Variants in CHD9 observed in about 807,000 individuals in gnomAD.
CHD9 encodes ATP-dependent chromatin remodeler CHD9.
In CHD9, 77 loss-of-function variants were observed where a neutral mutation model predicts 316.1. That is an observed-to-expected ratio of 0.24 (90% CI 0.20 to 0.29). The LOEUF is 0.29. CHD9 is among the 10% of genes least tolerant of loss of function. The pLI is 1.00. For missense variants in CHD9, 2,763 were observed against 3,438.1 expected (o/e 0.80, Z 4.91); for synonymous variants, 1,129 against 1,158.3 (o/e 0.97, Z 0.51).
intron 31 of CHD9, among the ~76,000 whole-genome samples, chr16:53,304,950 T>TC (rs1296867008): frequency 6.6e-6 from 1 of 152,002 alleles, no homozygotes; most frequent in Non-Finnish European, 1.5e-5. Context: ...CGCCTCAGCC[T>TC]CCCAAAGTGC....
intron 2 of CHD9, among the ~76,000 whole-genome samples, chr16:53,203,500 A>G (rs1459210387): frequency 6.6e-6 from 1 of 152,146 alleles, no homozygotes; most frequent in African/African-American, 2.4e-5. Context: ...AGATAAACTC[A>G]TTCTTGCTCA....
intron 3 of CHD9, among the ~76,000 whole-genome samples, chr16:53,218,100 A>C (rs1348399690): frequency 1.3e-5 from 2 of 152,088 alleles, no homozygotes; most frequent in Non-Finnish European, 2.9e-5. Context: ...TTTTAAATAG[A>C]AAAGGCACGT....
At chr16:53,319,646 G>A (rs2153111640) in intron 37 of CHD9, among the ~76,000 whole-genome samples, 1 of 152,172 alleles carries the variant, frequency 6.6e-6, no homozygotes, top group South Asian at 2.1e-4. Context: ...TTATGAATGA[G>A]TTTGTCTTAG....
At chr16:53,255,535 G>A in intron 18 of CHD9, 65 bp from the exon 19 acceptor site, 1 of 1,439,444 alleles carries the variant, frequency 6.9e-7, no homozygotes, top group Admixed American at 2.0e-5. Context: ...ACATCCTTTA[G>A]GGATACTTTC....
At chr16:53,120,325 T>G (rs534216291) in intron 1 of CHD9, among the ~76,000 whole-genome samples, 1 of 152,172 alleles carries the variant, frequency 6.6e-6, no homozygotes, top group African/African-American at 2.4e-5. Context: ...TAAAACCAGT[T>G]GATTGGGGCC....
chr16:53,181,103 C>T (rs898392981), intron 2 of CHD9, among the ~76,000 whole-genome samples: 5 of 151,556 alleles, frequency 3.3e-5, no homozygotes, highest in Admixed American at 6.6e-5. Context: ...CTCTGCCTTC[C>T]GGGTTCAAGC....
intron 24 of CHD9, among the ~76,000 whole-genome samples, chr16:53,284,538 A>G (rs1417871403): frequency 1.3e-5 from 2 of 152,142 alleles, no homozygotes; most frequent in Non-Finnish European, 2.9e-5. Flanking sequence ...TAGACATGTT[A>G]TATATGTAAC....
At chr16:53,279,071 G>A (rs1171925488) in intron 24 of CHD9, among the ~76,000 whole-genome samples, 1 of 152,174 alleles carries the variant, frequency 6.6e-6, no homozygotes, top group Non-Finnish European at 1.5e-5. Context: ...TACGTATATT[G>A]CGGCACTATT....
In CHD9 at chr16:53,108,014, C is replaced by T. The variant is rs748474932; in HGVS notation, c.-164-47912C>T. On this transcript the variant is annotated intron_variant, in intron 1 of 38. Transcript: ENST00000447540. ...AGAAGGCATCATTGAGAAGGTAGCA[C>T]CTGAACCAAGTCTTGAAGGAGTGGA... is the stretch of plus-strand genomic sequence containing the variant. Among the ~76,000 whole-genome samples, 20 of 152,092 alleles carry T rather than the reference C, an allele frequency of 1.3e-4. 1 individual carries two copies. Among genetic ancestry groups the T allele is most frequent in the Admixed American group, 9.8e-4 (15 of 15,270 alleles).
intron 3 of CHD9, among the ~76,000 whole-genome samples, chr16:53,216,815 T>C (rs926374345): frequency 6.8e-6 from 1 of 146,032 alleles, no homozygotes; most frequent in Middle Eastern, 3.4e-3. Context: ...TTAGAGTCGT[T>C]TTTAGATCAG....
chr16:53,236,719 T>C (rs2048664365), intron 11 of CHD9, among the ~76,000 whole-genome samples: 1 of 150,616 alleles, frequency 6.6e-6, no homozygotes, highest in African/African-American at 2.4e-5. Context: ...CCTAATTTGC[T>C]CTCTGCTTCA....
chr16:53,255,537 G>T, intron 18 of CHD9, 63 bp from the exon 19 acceptor site: 2 of 1,453,438 alleles, frequency 1.4e-6, no homozygotes, highest in East Asian at 2.3e-5. Flanking sequence ...ATCCTTTAGG[G>T]ATACTTTCTC....
chr16:53,225,479 T>C (rs2047578378), intron 4 of CHD9, among the ~76,000 whole-genome samples: 1 of 152,200 alleles, frequency 6.6e-6, no homozygotes, highest in Non-Finnish European at 1.5e-5. Context: ...TGTAACTTTG[T>C]TTTTGTTTTT....
chr16:53,203,800 G>A (rs941549565), intron 2 of CHD9, among the ~76,000 whole-genome samples: 50 of 151,784 alleles, frequency 3.3e-4, no homozygotes, highest in African/African-American at 1.2e-3. Flanking sequence ...AAGATGGGCA[G>A]ATCACGAGGT....
At chr16:53,117,603 A>C (rs1258233034) in intron 1 of CHD9, among the ~76,000 whole-genome samples, 1 of 151,540 alleles carries the variant, frequency 6.6e-6, no homozygotes, top group East Asian at 2.0e-4. Flanking sequence ...TTTAGTAGAG[A>C]AGGGGTTTCA....
intron 1 of CHD9, among the ~76,000 whole-genome samples, chr16:53,104,986 TA>T (rs138856068): frequency 1.5e-5 from 2 of 132,376 alleles, no homozygotes; most frequent in Non-Finnish European, 3.5e-5. Flanking sequence ...ACTGGCTAAT[TA>T]AAAAAAAACA....
Position 53,304,550 on chromosome 16 carries a change from A to T in CHD9, c.6544A>T (p.Thr2182Ser), listed in dbSNP as rs768930110. 29 of 1,543,390 alleles carry T rather than the reference A, an allele frequency of 1.9e-5. No individual in the cohort carries two copies. Among genetic ancestry groups the T allele is most frequent in the Non-Finnish European group, 2.4e-5 (27 of 1,140,018 alleles). ...AGCATCTTCTTCATCCTCTTCCTCCACCTCTTCCTCCTCCTCCTCCTCTTC... is the reference window on the plus strand; with the variant it reads ...AGCATCTTCTTCATCCTCTTCCTCCTCCTCTTCCTCCTCCTCCTCCTCTTC... ...SSASSSSSSS[T>S]SSSSSSSSSS... Residue 2182 changes from threonine to serine, a missense_variant, in exon 31 of 39, where the codon ACC becomes TCC. This residue lies in a region of CHD9 where 663 missense variants were observed against 751.2 expected (regional missense o/e 0.88). Transcript: ENST00000447540.
Position 53,293,035 on chromosome 16 carries a change from G to A in CHD9, c.5493G>A (p.Lys1831=), listed in dbSNP as rs201405984. ...EATLNPKMAA[K]IERQQRWTRR... is the part of the protein sequence containing the mutation. ...CTCTTAATCCTAAAATGGCAGCCAA[G>A]ATAGAAAGACAGCAAAGGTAAGACA... Residue 1831 remains lysine, a synonymous_variant, in exon 29 of 39, where the codon AAG becomes AAA. Transcript: ENST00000447540. The A allele has an allele frequency of 6.2e-7, 1 of 1,613,036 alleles. No homozygotes were observed. Among genetic ancestry groups the A allele is most frequent in the African/African-American group, 1.3e-5 (1 of 75,022 alleles).
At chr16:53,115,507 G>A (rs181188361) in intron 1 of CHD9, among the ~76,000 whole-genome samples, 174 of 152,292 alleles carry the variant, frequency 1.1e-3, no homozygotes, top group Non-Finnish European at 1.6e-3. Context: ...GGCCAAAATC[G>A]CAATTACTTT....
Sources: gnomAD v4.1 joint callset for allele counts (sites outside exome capture counted in the v4.1 genomes callset) on GRCh38, gnomAD v4.1.1 for gene constraint, gnomAD v4.1.1 regional missense constraint, MANE v1.5 for transcripts, NCBI Gene and HGNC (gene_info 2026-07-23, HGNC 2026-07-21) for gene names.